CYP3A43: variants seen among roughly 807,000 people sequenced by gnomAD.
The protein encoded by CYP3A43 is cytochrome P450 family 3 subfamily A member 43, also known as cytochrome P450 3A43.
Under a neutral mutation model 58.0 loss-of-function variants are expected in CYP3A43, and 45 were observed. That is an observed-to-expected ratio of 0.78 (90% CI 0.61 to 0.99). The LOEUF is 0.99. CYP3A43 is among the 50% of genes least tolerant of loss of function. The pLI, the probability that CYP3A43 is intolerant of heterozygous loss-of-function variation, is 0.00. For synonymous variants in CYP3A43, 191 were observed against 201.4 expected, an observed-to-expected ratio of 0.95 and a Z score of 0.44; for missense variants, 593 against 591.9, an observed-to-expected ratio of 1.00 and a Z score of -0.02.
intron 11 of CYP3A43, 80 bp from the exon 12 acceptor site, chr7:99,863,457 C>A: frequency 7.8e-7 from 1 of 1,286,646 alleles, no homozygotes; most frequent in Non-Finnish European, 1.0e-6. Flanking sequence ...CTCCCAAAAG[C>A]CACCACACCC....
At chr7:99,854,815 T>C (rs919185966) in intron 7 of CYP3A43, among the ~76,000 whole-genome samples, 6 of 152,190 alleles carry the variant, frequency 3.9e-5, no homozygotes, top group African/African-American at 1.4e-4. Flanking sequence ...TTCAGCTCAT[T>C]GGTTACTTAA....
In CYP3A43 at chr7:99,836,557, T is replaced by C; in HGVS notation, c.165+11T>C. The C allele has an allele frequency of 6.4e-7, 1 of 1,559,880 alleles. No homozygotes were observed. Among genetic ancestry groups the C allele is most frequent in the South Asian group, 1.2e-5 (1 of 81,234 alleles). On this transcript the variant is annotated intron_variant, in intron 2 of 12. Coordinates refer to ENST00000354829, the MANE Select transcript of CYP3A43 (RefSeq NM_057095.3). ...TTGTTCTACCTTAGGGTAAGTGTTATTTGAGCTCCCTCTTTTGCTTCTTAT... is the reference window on the plus strand; with the variant it reads ...TTGTTCTACCTTAGGGTAAGTGTTACTTGAGCTCCCTCTTTTGCTTCTTAT...
chr7:99,833,021 T>C (rs1388257549), intron 1 of CYP3A43, among the ~76,000 whole-genome samples: 2 of 152,214 alleles, frequency 1.3e-5, no homozygotes, highest in African/African-American at 2.4e-5. Flanking sequence ...CCTGGAAGAA[T>C]TCCAGTCTGA....
chr7:99,841,413 T>C (rs1480049304), intron 3 of CYP3A43, among the ~76,000 whole-genome samples: 1 of 152,220 alleles, frequency 6.6e-6, no homozygotes, highest in African/African-American at 2.4e-5. Context: ...TTTTCTTTTT[T>C]TGAGATGGAG....
At chr7:99,842,946 A>T (rs575423308) in intron 3 of CYP3A43, among the ~76,000 whole-genome samples, 3 of 152,214 alleles carry the variant, frequency 2.0e-5, no homozygotes, top group Admixed American at 6.5e-5. Context: ...TGACAATGTC[A>T]ATTTCCAGTT....
At chr7:99,830,144 T>C (rs902822585) in intron 1 of CYP3A43, among the ~76,000 whole-genome samples, 3 of 152,180 alleles carry the variant, frequency 2.0e-5, no homozygotes, top group African/African-American at 7.2e-5. Context: ...GGGCTTTCTC[T>C]GAAGTTCTCA....
chr7:99,832,151 G>A (rs746475263), intron 1 of CYP3A43, among the ~76,000 whole-genome samples: 4 of 151,954 alleles, frequency 2.6e-5, no homozygotes, highest in Non-Finnish European at 5.9e-5. Flanking sequence ...AAACACCTCT[G>A]AGAAAACAGG....
At chr7:99,856,809 T>G in intron 8 of CYP3A43, 24 bp from the exon 9 acceptor site, 2 of 1,613,812 alleles carry the variant, frequency 1.2e-6, no homozygotes, top group Non-Finnish European at 1.7e-6. Context: ...TTTCTGTCAT[T>G]AAAATTTCTC....
At chr7:99,864,060 C>T (rs1818351990) in intron 12 of CYP3A43, among the ~76,000 whole-genome samples, 1 of 148,578 alleles carries the variant, frequency 6.7e-6, no homozygotes, top group East Asian at 1.9e-4. Flanking sequence ...GAATGGTGCT[C>T]TCCTCCACTA....
intron 12 of CYP3A43, among the ~76,000 whole-genome samples, chr7:99,865,218 C>T (rs921548720): frequency 1.3e-5 from 2 of 148,356 alleles, no homozygotes; most frequent in African/African-American, 2.6e-5. Flanking sequence ...AATTTGCCTG[C>T]CCTTCACTTA....
chr7:99,828,616 G>C (rs1816716454), intron 1 of CYP3A43, among the ~76,000 whole-genome samples: 2 of 151,976 alleles, frequency 1.3e-5, no homozygotes, highest in South Asian at 4.2e-4. Context: ...AGCGGAGATT[G>C]CACCACTGCA....
rs12530558 is a variant in CYP3A43, at chr7:99,863,510, A to T, written c.1254-27A>T. 0.014 allele frequency: 21,412 copies of T among 1,551,334 alleles called. 1,839 individuals are homozygous for T. In the African/African-American group the frequency reaches 0.22, roughly 16 times the overall value. On this transcript the variant is annotated intron_variant, in intron 11 of 12. Transcript: ENST00000354829. ...TAATAGTTTTTATGTTTCATTAACTAGTTTTTATGTACTACTGTGAAAGTA... is the reference window on the plus strand; with the variant it reads ...TAATAGTTTTTATGTTTCATTAACTTGTTTTTATGTACTACTGTGAAAGTA...
intron 6 of CYP3A43, 81 bp downstream of exon 6, chr7:99,848,335 G>T: frequency 2.1e-6 from 3 of 1,431,666 alleles, no homozygotes; most frequent in Middle Eastern, 2.3e-4. Flanking sequence ...CCCACTGTTG[G>T]GTTACTCCAG....
intron 11 of CYP3A43, among the ~76,000 whole-genome samples, chr7:99,863,217 A>C (rs1407448016): frequency 1.3e-5 from 2 of 152,224 alleles, no homozygotes; most frequent in African/African-American, 4.8e-5. Context: ...TGAAGAAATA[A>C]CCTGTAAATA....
At chr7:99,839,967 C>T (rs1817268902) in intron 3 of CYP3A43, among the ~76,000 whole-genome samples, 1 of 152,160 alleles carries the variant, frequency 6.6e-6, no homozygotes, top group South Asian at 2.1e-4. Context: ...GCTTTTTTTA[C>T]TGTAAATGGG....
At chr7:99,829,320 G>T (rs978946190) in intron 1 of CYP3A43, among the ~76,000 whole-genome samples, 1 of 152,226 alleles carries the variant, frequency 6.6e-6, no homozygotes, top group African/African-American at 2.4e-5. Flanking sequence ...GGCCAAATAT[G>T]AGTGACCATG....
intron 3 of CYP3A43, chr7:99,839,514 C>G (rs1448068122): frequency 2.0e-6 from 1 of 495,818 alleles, no homozygotes; most frequent in Non-Finnish European, 3.9e-6. Context: ...AATTTCACAA[C>G]CCTGGGTAAT....
At chr7:99,852,234 T>A (rs1004904355) in intron 7 of CYP3A43, among the ~76,000 whole-genome samples, 2 of 152,236 alleles carry the variant, frequency 1.3e-5, no homozygotes, top group African/African-American at 4.8e-5. Flanking sequence ...TTGGGAAGTA[T>A]GAGTCCTGCA....
intron 9 of CYP3A43, among the ~76,000 whole-genome samples, chr7:99,859,467 C>T (rs1296305632): frequency 4.6e-5 from 7 of 152,180 alleles, no homozygotes; most frequent in Non-Finnish European, 5.9e-5. Context: ...TGTTACTCCA[C>T]GTTTACTTAT....
Sources: allele counts gnomAD v4.1 joint callset (sites outside exome capture counted in the v4.1 genomes callset), GRCh38; gene constraint gnomAD v4.1.1; transcripts MANE v1.5; gene names NCBI Gene and HGNC (gene_info 2026-07-23, HGNC 2026-07-21).